The following TCF7L2 variants were observed in gnomAD, a reference collection of about 807,000 sequenced individuals.
TCF7L2 encodes the protein transcription factor 7-like 2.
Under a neutral mutation model 77.9 loss-of-function variants are expected in TCF7L2, and 23 were observed. That is an observed-to-expected ratio of 0.30 (90% CI 0.21 to 0.42). TCF7L2 has a LOEUF of 0.42. Ranked by LOEUF, TCF7L2 falls within the 10% of genes least tolerant of loss-of-function variation. The pLI is 1.00. For missense variants in TCF7L2, 654 were observed against 793.1 expected, an observed-to-expected ratio of 0.82 and a Z score of 2.11; for synonymous variants, 413 against 340.2, an observed-to-expected ratio of 1.21 and a Z score of -2.36.
intron 1 of TCF7L2, 97 bp from the exon 2 acceptor site, chr10:112,951,110 A>T: frequency 2.7e-5 from 28 of 1,047,212 alleles, no homozygotes; most frequent in Non-Finnish European, 3.8e-5. Context: ...GTTTTTTTCT[A>T]CCCCCCCCTC....
intron 5 of TCF7L2, among the ~76,000 whole-genome samples, chr10:113,086,524 T>C (rs1162401591): frequency 2.0e-5 from 3 of 152,214 alleles, no homozygotes; most frequent in African/African-American, 4.8e-5. Context: ...GCTTGCAGTG[T>C]CTGAGTGAGC....
At chr10:113,056,206 T>C (rs1356295633) in intron 5 of TCF7L2, among the ~76,000 whole-genome samples, 2 of 152,236 alleles carry the variant, frequency 1.3e-5, no homozygotes, top group Non-Finnish European at 2.9e-5. Context: ...AACCAGAGCT[T>C]AAAGCAGTTA....
At chr10:112,985,747 GCC>G (rs202223977) in intron 4 of TCF7L2, among the ~76,000 whole-genome samples, 2 of 151,512 alleles carry the variant, frequency 1.3e-5, no homozygotes, top group Non-Finnish European at 2.9e-5. Context: ...AGAGGTGAAT[GCC>G]CCCCCCTTCA....
Position 112,966,177 on chromosome 10 carries a change from AATATATTT to A in TCF7L2, c.450+1560_450+1567del, listed in dbSNP as rs1455572489. Among the ~76,000 whole-genome samples, 143 of 45,144 alleles carry A rather than the reference AATATATTT, an allele frequency of 3.2e-3. 18 individuals are homozygous for A. The highest frequency in any genetic ancestry group is 0.017 in the African/African-American group (128 of 7,602). 29.6% of individuals were successfully genotyped at this position (45,144 alleles called of 152,430 possible). A position where few individuals can be genotyped will look rare whatever the true frequency, so the allele number is the denominator to read the frequency against. On this transcript the variant is annotated intron_variant, in intron 4 of 13. Coordinates refer to ENST00000627217, the MANE Select transcript of TCF7L2 (RefSeq NM_001146274.2). ...GTGACAAGAGTGAGACTCTGTCTAA[AATATATTT>A]ATATATATATATATATATATATATA...
intron 8 of TCF7L2, among the ~76,000 whole-genome samples, chr10:113,150,428 C>G (rs1294094457): frequency 6.6e-6 from 1 of 151,820 alleles, no homozygotes; most frequent in East Asian, 1.9e-4. Context: ...GTCTTCCTGC[C>G]TCACTCTCTC....
intron 4 of TCF7L2, among the ~76,000 whole-genome samples, chr10:113,014,659 C>T (rs1433381816): frequency 6.6e-6 from 1 of 152,084 alleles, no homozygotes; most frequent in Non-Finnish European, 1.5e-5. Flanking sequence ...GTGGTGGGCG[C>T]CTGTAATGCC....
At chr10:113,029,506 T>C (rs979821653) in intron 4 of TCF7L2, among the ~76,000 whole-genome samples, 2 of 151,708 alleles carry the variant, frequency 1.3e-5, no homozygotes, top group African/African-American at 4.8e-5. Context: ...TATGTGACTC[T>C]GTCTTCTCTC....
intron 5 of TCF7L2, among the ~76,000 whole-genome samples, chr10:113,119,256 T>A (rs191130581): frequency 1.8e-4 from 27 of 152,082 alleles, no homozygotes; most frequent in Non-Finnish European, 3.7e-4. Context: ...ATCTCATTTT[T>A]CCCCCCTTAC....
intron 13 of TCF7L2, among the ~76,000 whole-genome samples, chr10:113,164,093 T>C (rs1174801064): frequency 6.6e-6 from 1 of 152,234 alleles, no homozygotes; most frequent in Non-Finnish European, 1.5e-5. Context: ...TCTAGGGTCC[T>C]TAGATGAGCA....
chr10:113,141,976 T>C (rs2068465054), intron 6 of TCF7L2, among the ~76,000 whole-genome samples: 1 of 152,218 alleles, frequency 6.6e-6, no homozygotes, highest in Non-Finnish European at 1.5e-5. Context: ...TGAGAAAAGT[T>C]GCCATGCTTT....
At chr10:113,109,806 T>C (rs889938670) in intron 5 of TCF7L2, among the ~76,000 whole-genome samples, 2 of 152,280 alleles carry the variant, frequency 1.3e-5, no homozygotes, top group Non-Finnish European at 2.9e-5. Flanking sequence ...ATCAACAGGC[T>C]TAGATGCAAT....
In TCF7L2 at chr10:113,130,077, T is replaced by C. The variant is rs531665629; in HGVS notation, c.553-11107T>C. On this transcript the variant is annotated intron_variant, in intron 5 of 13. Coordinates refer to ENST00000627217, the MANE Select transcript of TCF7L2 (RefSeq NM_001146274.2). ...GTATTGACCATTAAACCTATGCTTT[T>C]TCCCCCCCCTTAATTTAGATCATGG... 1.6e-4 allele frequency: 146 copies of C among 925,064 alleles called. No individual in the cohort carries two copies. The African/African-American group carries it at 4.0e-3, about 25-fold the overall frequency. The allele number at this position is 925,064 out of a possible 1,614,324, so 57.3% of individuals were successfully genotyped here.
At chr10:113,050,870 T>C (rs1189522157) in intron 5 of TCF7L2, among the ~76,000 whole-genome samples, 3 of 152,216 alleles carry the variant, frequency 2.0e-5, no homozygotes, top group African/African-American at 7.2e-5. Flanking sequence ...GCCATTATTA[T>C]GCTTTTTTCT....
At chr10:113,136,107 GA>G (rs2067350849) in intron 5 of TCF7L2, among the ~76,000 whole-genome samples, 2 of 152,078 alleles carry the variant, frequency 1.3e-5, no homozygotes, top group South Asian at 4.2e-4. Flanking sequence ...ATGTAACCTG[GA>G]AAAAAAATAT....
At chr10:113,116,342 C>T (rs2063735490) in intron 5 of TCF7L2, among the ~76,000 whole-genome samples, 1 of 152,120 alleles carries the variant, frequency 6.6e-6, no homozygotes, top group Admixed American at 6.5e-5. Flanking sequence ...ACTTTGTTCC[C>T]TCTGAATTTG....
At chr10:113,012,025 C>A (rs982793962) in intron 4 of TCF7L2, among the ~76,000 whole-genome samples, 1 of 152,048 alleles carries the variant, frequency 6.6e-6, no homozygotes, top group Non-Finnish European at 1.5e-5. Flanking sequence ...CGAGTATTGC[C>A]GTTGAGTATT....
At chr10:113,080,075 C>T (rs1443011457) in intron 5 of TCF7L2, among the ~76,000 whole-genome samples, 1 of 152,022 alleles carries the variant, frequency 6.6e-6, no homozygotes, top group African/African-American at 2.4e-5. Flanking sequence ...ACCACACACA[C>T]ACAGCCCACA....
At chr10:113,035,621 TC>T (rs1164490622) in intron 4 of TCF7L2, among the ~76,000 whole-genome samples, 1 of 152,224 alleles carries the variant, frequency 6.6e-6, no homozygotes. Flanking sequence ...GGTCTGGAAC[TC>T]CTGGCCTTAA....
chr10:113,033,766 A>G (rs550357732), intron 4 of TCF7L2, among the ~76,000 whole-genome samples: 18 of 152,292 alleles, frequency 1.2e-4, no homozygotes, highest in African/African-American at 3.6e-4. Context: ...TTCCTGGAGT[A>G]TGTTTTTACT....
Sources: allele counts gnomAD v4.1 joint callset (sites outside exome capture counted in the v4.1 genomes callset), GRCh38; gene constraint gnomAD v4.1.1; transcripts MANE v1.5; gene names NCBI Gene and HGNC (gene_info 2026-07-23, HGNC 2026-07-21).